TRIP12: variants seen among roughly 807,000 people sequenced by gnomAD.
TRIP12 encodes thyroid hormone receptor interactor 12.
Under a neutral mutation model 244.2 loss-of-function variants are expected in TRIP12, and 25 were observed. That is an observed-to-expected ratio of 0.10 (90% CI 0.07 to 0.14). The LOEUF (loss-of-function observed/expected upper bound fraction) is 0.14, where lower values mean the gene tolerates loss of function less well. TRIP12 is among the 10% of genes least tolerant of loss of function. The probability of loss-of-function intolerance (pLI) is 1.00; values close to 1 mark genes in which losing one functional copy is unlikely to be tolerated. For missense variants in TRIP12, 1,677 were observed against 2,486.4 expected (o/e 0.67, Z 6.92); for synonymous variants, 905 against 873.1 (o/e 1.04, Z -0.64).
intron 1 of TRIP12, among the ~76,000 whole-genome samples, chr2:229,889,158 T>C (rs1240776312): frequency 6.6e-6 from 1 of 152,174 alleles, no homozygotes; most frequent in South Asian, 2.1e-4. Flanking sequence ...CATATCAATC[T>C]CTGAGGCATG....
chr2:229,821,119 G>T (rs1009454897), intron 8 of TRIP12, among the ~76,000 whole-genome samples: 4 of 152,154 alleles, frequency 2.6e-5, no homozygotes, highest in Non-Finnish European at 4.4e-5. Flanking sequence ...CTTTGGTTCA[G>T]TAAGGGCATC....
At chr2:229,854,421 T>C (rs180824093) in intron 4 of TRIP12, among the ~76,000 whole-genome samples, 1 of 152,380 alleles carries the variant, frequency 6.6e-6, no homozygotes, top group African/African-American at 2.4e-5. Context: ...CCTTAAGATA[T>C]TCACTTTCAG....
At position 229,767,444 on chromosome 2, in the gene TRIP12, TACA is replaced by T. The variant is rs1239538721; in HGVS notation, c.*107_*109del. 4.8e-5 allele frequency: 64 copies of T among 1,345,016 alleles called. No homozygotes were observed. Among genetic ancestry groups the T allele is most frequent in the Non-Finnish European group, 5.8e-5 (59 of 1,012,878 alleles). 83.3% of individuals were successfully genotyped at this position (1,345,016 alleles called of 1,614,324 possible). On this transcript the variant is annotated 3_prime_UTR_variant, in exon 42 of 42. Coordinates refer to ENST00000675903, the MANE Select transcript of TRIP12 (RefSeq NM_001348323.3). ...TTTATAATCTGCAAGCCGTTTTTCCTACAACAAGAAGGCGTAACATGTTTCCTT... is the reference window on the plus strand; with the variant it reads ...TTTATAATCTGCAAGCCGTTTTTCCTACAAGAAGGCGTAACATGTTTCCTT...
intron 37 of TRIP12, among the ~76,000 whole-genome samples, chr2:229,774,808 C>G (rs1187575288): frequency 6.7e-6 from 1 of 150,338 alleles, no homozygotes; most frequent in Non-Finnish European, 1.5e-5. Flanking sequence ...AAGTTTGTAT[C>G]TATGCAGCAA....
At chr2:229,807,294 G>A (rs147754000) in intron 17 of TRIP12, 1 of 211,812 alleles carries the variant, frequency 4.7e-6, no homozygotes, top group Admixed American at 5.5e-5. Context: ...ACCCAGAACT[G>A]GCTATTTCAT....
intron 8 of TRIP12, among the ~76,000 whole-genome samples, chr2:229,821,582 T>C (rs550454136): frequency 6.6e-5 from 10 of 152,334 alleles, no homozygotes; most frequent in African/African-American, 2.4e-4. Context: ...TTATGGACAC[T>C]GAAATTTGAT....
At chr2:229,781,385 G>C (rs2038115612) in intron 34 of TRIP12, among the ~76,000 whole-genome samples, 1 of 152,206 alleles carries the variant, frequency 6.6e-6, no homozygotes, top group Admixed American at 6.5e-5. Flanking sequence ...ATGTGACAAT[G>C]GTCTGAGTGT....
At chr2:229,768,490 T>C (rs1404280317) in intron 41 of TRIP12, 126 bp downstream of exon 41, 1 of 794,404 alleles carries the variant, frequency 1.3e-6, no homozygotes, top group African/African-American at 1.8e-5. Context: ...TGTACTATAA[T>C]GATACTGGAA....
chr2:229,793,962 C>A (rs1217325851), intron 26 of TRIP12, among the ~76,000 whole-genome samples: 1 of 152,006 alleles, frequency 6.6e-6, no homozygotes, highest in African/African-American at 2.4e-5. Context: ...GACCCTCCTG[C>A]ACATAAAGCA....
intron 7 of TRIP12, 137 bp downstream of exon 7, chr2:229,830,619 A>C: frequency 1.5e-6 from 1 of 659,338 alleles, no homozygotes; most frequent in Non-Finnish European, 2.4e-6. Flanking sequence ...ATTGCTACTA[A>C]AAATTTTTTT....
At chr2:229,812,360 T>C (rs1017458469) in intron 13 of TRIP12, among the ~76,000 whole-genome samples, 5 of 152,158 alleles carry the variant, frequency 3.3e-5, no homozygotes, top group Admixed American at 6.5e-5. Context: ...GGATTACAGG[T>C]GCGAGTCACT....
rs2054345314 is a variant in TRIP12 at position 229,834,765 on chromosome 2, A to C, written c.1270+2083T>G. On this transcript the variant is annotated intron_variant, in intron 6 of 41. Coordinates refer to ENST00000675903, the MANE Select transcript of TRIP12 (RefSeq NM_001348323.3). ...ACAGAGAGAAACTTTTCCTCAAAGA[A>C]GAAAAAAAAAAAGAATGCACAGGAG... 2.0e-5 allele frequency among the ~76,000 whole-genome samples: 3 copies of C among 152,122 alleles called. No homozygotes were observed. The South Asian group carries it at 6.2e-4, about 32-fold the overall frequency.
chr2:229,786,318 T>C (rs2039979378), intron 33 of TRIP12, among the ~76,000 whole-genome samples: 1 of 152,114 alleles, frequency 6.6e-6, no homozygotes. Flanking sequence ...AAATGAGATT[T>C]TAAAAGGTCC....
chr2:229,811,131 C>T lies in TRIP12; in HGVS notation c.2055+5G>A, dbSNP rs1037870317. 4 of 1,614,096 alleles carry T rather than the reference C, an allele frequency of 2.5e-6. 1 individual carries two copies. The African/African-American group carries it at 5.3e-5, about 22-fold the overall frequency. On this transcript the variant is annotated splice_donor_5th_base_variant and intron_variant, in intron 14 of 41. Coordinates refer to ENST00000675903, the MANE Select transcript of TRIP12 (RefSeq NM_001348323.3). ...TAAAAATACTACCAAAGACTAAACA[C>T]TTACCTCCTCATGCTGGAAGTTGTC...
intron 1 of TRIP12, among the ~76,000 whole-genome samples, chr2:229,915,391 T>C (rs1199348526): frequency 2.0e-5 from 3 of 152,218 alleles, no homozygotes; most frequent in Non-Finnish European, 4.4e-5. Flanking sequence ...GTCTCCAAAA[T>C]ATATACTGAC....
intron 4 of TRIP12, among the ~76,000 whole-genome samples, chr2:229,856,680 A>G (rs573662692): frequency 6.6e-6 from 1 of 152,276 alleles, no homozygotes; most frequent in East Asian, 1.9e-4. Context: ...TGTGAATATT[A>G]CATAGCAGGA....
At chr2:229,875,840 C>T (rs764983623) in intron 2 of TRIP12, among the ~76,000 whole-genome samples, 1 of 152,168 alleles carries the variant, frequency 6.6e-6, no homozygotes, top group African/African-American at 2.4e-5. Context: ...GAAGGCTAAA[C>T]GAGTCACATG....
At chr2:229,768,155 G>A (rs979692134) in intron 41 of TRIP12, among the ~76,000 whole-genome samples, 2 of 152,178 alleles carry the variant, frequency 1.3e-5, no homozygotes. Context: ...AGCTACACAG[G>A]AGGCTGAAGC....
intron 27 of TRIP12, among the ~76,000 whole-genome samples, chr2:229,792,672 GTA>G (rs1299319671): frequency 6.6e-6 from 1 of 152,146 alleles, no homozygotes; most frequent in Non-Finnish European, 1.5e-5. Context: ...TGTTCAACCT[GTA>G]TATATTACAC....
Sources: gnomAD v4.1 joint callset for allele counts (sites outside exome capture counted in the v4.1 genomes callset) on GRCh38, gnomAD v4.1.1 for gene constraint, MANE v1.5 for transcripts, NCBI Gene and HGNC (gene_info 2026-07-23, HGNC 2026-07-21) for gene names.